RABGAP1: variants seen among roughly 807,000 people sequenced by gnomAD.
RABGAP1 encodes the protein rab GTPase-activating protein 1.
Under a neutral mutation model 137.6 loss-of-function variants are expected in RABGAP1, and 23 were observed. That is an observed-to-expected ratio of 0.17 (90% confidence interval 0.12 to 0.24). The LOEUF is 0.24. Among genes scored for constraint, RABGAP1 ranks in the 10% least tolerant of loss-of-function variants. The pLI, the probability that RABGAP1 is intolerant of heterozygous loss-of-function variation, is 1.00. For missense variants in RABGAP1, 906 were observed against 1,275.8 expected (o/e 0.71, Z 4.42); for synonymous variants, 451 against 450.7 (o/e 1.00, Z -0.01).
chr9:122,968,492 G>A (rs996511960), intron 2 of RABGAP1, among the ~76,000 whole-genome samples: 5 of 151,956 alleles, frequency 3.3e-5, no homozygotes, highest in African/African-American at 1.2e-4. Context: ...CAAACTGCTA[G>A]GATTACAGGC....
intron 1 of RABGAP1, among the ~76,000 whole-genome samples, chr9:122,951,180 G>A (rs1224456420): frequency 6.6e-6 from 1 of 152,124 alleles, no homozygotes; most frequent in Non-Finnish European, 1.5e-5. Context: ...GAAAACCAAA[G>A]AAATAAAGGT....
At chr9:123,045,551 T>G (rs1298573990) in intron 13 of RABGAP1, among the ~76,000 whole-genome samples, 3 of 152,204 alleles carry the variant, frequency 2.0e-5, no homozygotes, top group Non-Finnish European at 2.9e-5. Flanking sequence ...TAAAACAAAA[T>G]GTAGATCCTA....
intron 1 of RABGAP1, among the ~76,000 whole-genome samples, 172 bp downstream of exon 1, chr9:122,941,265 G>T (rs1237086677): frequency 6.6e-6 from 1 of 152,174 alleles, no homozygotes; most frequent in Non-Finnish European, 1.5e-5. Context: ...AGCCGTGATT[G>T]GGGGGAGGGG....
rs770588229 is a variant in RABGAP1, at chr9:123,097,766, A to G, written c.2654A>G (p.Asn885Ser). The G allele has an allele frequency of 6.2e-7, 1 of 1,613,070 alleles. No homozygotes were observed. Among genetic ancestry groups the G allele is most frequent in the East Asian group, 2.2e-5 (1 of 44,866 alleles). ...GCTGAGGAAAAGGCAGATGCTCTGA[A>G]TAAGGAGCTGCTGATGACCAAACAG... The part of the protein sequence containing the change: ...DNAEEKADAL[N>S]KELLMTKQKL... The change falls in exon 22 of 26, where the codon AAT becomes AGT. Residue 885 changes from asparagine (N) to serine (S), a missense_variant. Coordinates refer to ENST00000373647, the MANE Select transcript of RABGAP1 (RefSeq NM_012197.4).
chr9:123,035,607 T>A, intron 13 of RABGAP1: 1 of 1,581,804 alleles, frequency 6.3e-7, no homozygotes, highest in Non-Finnish European at 8.6e-7. Context: ...TTAATGGATG[T>A]CATATCTGAA....
At chr9:123,076,494 T>C in intron 18 of RABGAP1, 140 bp from the exon 19 acceptor site, 2 of 1,069,614 alleles carry the variant, frequency 1.9e-6, no homozygotes, top group South Asian at 1.7e-5. Context: ...ACAGTGGATG[T>C]ATGCAGGTGG....
rs369679530 is a variant in RABGAP1, at chr9:122,982,355, T to C, written c.151-2130T>C. Among the ~76,000 whole-genome samples, 6 of 152,332 alleles carry C rather than the reference T, an allele frequency of 3.9e-5. No individual in the cohort carries two copies. The East Asian group carries it at 9.6e-4, about 24-fold the overall frequency. On this transcript the variant is annotated intron_variant, in intron 2 of 25. Coordinates refer to ENST00000373647, the MANE Select transcript of RABGAP1 (RefSeq NM_012197.4). ...ACACAAGGCAAAGGTATAAACATGT[T>C]TTCTTTTAGGGTTAGCTACATTTCT...
chr9:122,940,454 T>G (rs1393098972), upstream of RABGAP1: 1 of 152,226 alleles, frequency 6.6e-6, no homozygotes, highest in Non-Finnish European at 1.5e-5. Context: ...ATTCTGTAAC[T>G]AAAGCTAAAT....
intron 13 of RABGAP1, among the ~76,000 whole-genome samples, chr9:123,054,767 G>A (rs187038878): frequency 8.9e-4 from 136 of 152,166 alleles, no homozygotes; most frequent in African/African-American, 2.9e-3. Context: ...CAGTTTTAAG[G>A]AATACTGCTC....
chr9:122,935,346 A>AT, the RABGAP1 span, among the ~76,000 whole-genome samples: 16 of 148,784 alleles, frequency 1.1e-4, no homozygotes, highest in Admixed American at 2.0e-4. Flanking sequence ...CAATAACATA[A>AT]TTTTTTTTTT....
chr9:123,092,231 G>T (rs1449478281), intron 21 of RABGAP1, among the ~76,000 whole-genome samples: 3 of 152,086 alleles, frequency 2.0e-5, no homozygotes, highest in Non-Finnish European at 4.4e-5. Context: ...CTTAAAACCT[G>T]CCCCTAAACA....
At chr9:123,081,864 C>T (rs183945532) in intron 19 of RABGAP1, among the ~76,000 whole-genome samples, 22 of 152,294 alleles carry the variant, frequency 1.4e-4, no homozygotes, top group Admixed American at 1.2e-3. Context: ...AGTGACTTAC[C>T]CAAGTCATAC....
intron 13 of RABGAP1, among the ~76,000 whole-genome samples, chr9:123,042,372 C>T (rs2032994438): frequency 1.3e-5 from 2 of 152,170 alleles, no homozygotes; most frequent in East Asian, 3.9e-4. Flanking sequence ...AAAAAGTTCT[C>T]ACATAAAGTA....
intron 19 of RABGAP1, among the ~76,000 whole-genome samples, chr9:123,085,583 C>G (rs1428944235): frequency 6.6e-6 from 1 of 152,142 alleles, no homozygotes; most frequent in Non-Finnish European, 1.5e-5. Context: ...CTGTGATTTC[C>G]AAAGCCTTCT....
At chr9:123,073,998 GA>G in intron 16 of RABGAP1, among the ~76,000 whole-genome samples, 1 of 152,242 alleles carries the variant, frequency 6.6e-6, no homozygotes, top group South Asian at 2.1e-4. Flanking sequence ...TAACAAAAGT[GA>G]AACAAACTTT....
chr9:122,961,775 A>G (rs10818771), intron 2 of RABGAP1, among the ~76,000 whole-genome samples: 95,006 of 152,066 alleles, frequency 0.62, 36,809 homozygotes, highest in Non-Finnish European at 0.86. Context: ...TTACTGCAGT[A>G]CTGTATAGTA....
chr9:123,023,290 C>T (rs2031758915), intron 13 of RABGAP1, among the ~76,000 whole-genome samples: 1 of 152,188 alleles, frequency 6.6e-6, no homozygotes, highest in African/African-American at 2.4e-5. Flanking sequence ...AAGCGATTCT[C>T]CTGCATCAGC....
At chr9:122,941,150 G>T (rs1833530031) in intron 1 of RABGAP1, 57 bp downstream of exon 1, 3 of 152,384 alleles carry the variant, frequency 2.0e-5, no homozygotes, top group South Asian at 2.1e-4. Context: ...AACCCCAGGG[G>T]TATTTTCCGA....
intron 13 of RABGAP1, among the ~76,000 whole-genome samples, chr9:123,028,154 G>C (rs1425320710): frequency 6.6e-6 from 1 of 152,216 alleles, no homozygotes; most frequent in Non-Finnish European, 1.5e-5. Flanking sequence ...TTATAGGTGA[G>C]TTAAACAGTT....
Sources: gnomAD v4.1 joint callset for allele counts (sites outside exome capture counted in the v4.1 genomes callset) on GRCh38, gnomAD v4.1.1 for gene constraint, MANE v1.5 for transcripts, NCBI Gene and HGNC (gene_info 2026-07-23, HGNC 2026-07-21) for gene names.